Variants in GRAMD4 observed in about 807,000 individuals in gnomAD.
GRAMD4 encodes GRAM domain-containing protein 4.
Under a neutral mutation model 83.9 loss-of-function variants are expected in GRAMD4, and 25 were observed. That is an observed-to-expected ratio of 0.30 (90% CI 0.22 to 0.42). GRAMD4 has a LOEUF of 0.42. Ranked by LOEUF, GRAMD4 falls within the 10% of genes least tolerant of loss-of-function variation. The pLI is 1.00. For synonymous variants in GRAMD4, 336 were observed against 320.9 expected (o/e 1.05, Z -0.50); for missense variants, 593 against 788.7 (o/e 0.75, Z 2.97).
chr22:46,634,287 C>T (rs534243047), intron 2 of GRAMD4, among the ~76,000 whole-genome samples: 1 of 152,264 alleles, frequency 6.6e-6, no homozygotes, highest in South Asian at 2.1e-4. Flanking sequence ...CCTTGCCTTG[C>T]AACCGCTGTG....
chr22:46,625,566 C>T (rs900462792), intron 1 of GRAMD4, among the ~76,000 whole-genome samples: 6 of 152,262 alleles, frequency 3.9e-5, no homozygotes, highest in African/African-American at 1.4e-4. Context: ...TTTTCAGAGG[C>T]AAAAATGTCA....
intron 7 of GRAMD4, 66 bp downstream of exon 7, chr22:46,663,929 G>T: frequency 1.9e-6 from 3 of 1,591,620 alleles, no homozygotes; most frequent in Non-Finnish European, 2.6e-6. Context: ...TGGCGGTGGG[G>T]ACTCTGGGAT....
chr22:46,611,996 CAAAAAAA>C lies in GRAMD4; in HGVS notation c.-49-14739_-49-14733del, dbSNP rs61392000. On this transcript the variant is annotated intron_variant, in intron 1 of 1. Coordinates refer to the GRAMD4 transcript ENST00000431155. ...TGGGAGACACAGCGAGACTCCATCT[CAAAAAAA>C]AAAAAAAAAAAAAAAGAAGAGACAG... Among the ~76,000 whole-genome samples, 27 of 50,162 alleles carry C rather than the reference CAAAAAAA, an allele frequency of 5.4e-4. No homozygotes were observed. The East Asian group carries it at 7.7e-3, about 14-fold the overall frequency. 32.9% of individuals were successfully genotyped at this position (50,162 alleles called of 152,430 possible). A position where few individuals can be genotyped will look rare whatever the true frequency, so the allele number is the denominator to read the frequency against.
intron 1 of GRAMD4, among the ~76,000 whole-genome samples, chr22:46,612,314 CTGT>C (rs747055424): frequency 1.4e-4 from 22 of 152,148 alleles, no homozygotes; most frequent in Non-Finnish European, 3.2e-4. Context: ...GCCGATGGTA[CTGT>C]TGTTATTGTT....
intron 1 of GRAMD4, among the ~76,000 whole-genome samples, chr22:46,590,257 A>G (rs1267081630): frequency 6.6e-6 from 1 of 151,878 alleles, no homozygotes; most frequent in Non-Finnish European, 1.5e-5. Flanking sequence ...CTCTGGGGCC[A>G]CATGGATGGC....
At chr22:46,586,941 A>G (rs1464188625) in intron 1 of GRAMD4, among the ~76,000 whole-genome samples, 1 of 152,020 alleles carries the variant, frequency 6.6e-6, no homozygotes, top group Non-Finnish European at 1.5e-5. Context: ...TAAAAGTCTG[A>G]AGCAACACCC....
chr22:46,633,559 G>A (rs559812847), intron 2 of GRAMD4, among the ~76,000 whole-genome samples: 3 of 152,322 alleles, frequency 2.0e-5, no homozygotes, highest in East Asian at 3.9e-4. Context: ...GCAACTGGGG[G>A]CTCTGGCCGG....
intron 1 of GRAMD4, among the ~76,000 whole-genome samples, chr22:46,607,791 T>C (rs2081380005): frequency 6.6e-6 from 1 of 152,182 alleles, no homozygotes; most frequent in South Asian, 2.1e-4. Flanking sequence ...CACCAGCTCC[T>C]TTCTGGTTTG....
chr22:46,590,729 T>A (rs1353996596), intron 1 of GRAMD4, among the ~76,000 whole-genome samples: 1 of 152,162 alleles, frequency 6.6e-6, no homozygotes, highest in Non-Finnish European at 1.5e-5. Context: ...CAGTGTTGTC[T>A]GAGGACAGCT....
chr22:46,644,474 G>A (rs150237188), intron 3 of GRAMD4, among the ~76,000 whole-genome samples: 10 of 151,424 alleles, frequency 6.6e-5, no homozygotes, highest in Non-Finnish European at 1.0e-4. Flanking sequence ...ACCTGTCCCC[G>A]TTGCAGGTTA....
At chr22:46,607,604 G>T (rs1207633542) in intron 1 of GRAMD4, among the ~76,000 whole-genome samples, 1 of 152,198 alleles carries the variant, frequency 6.6e-6, no homozygotes, top group Non-Finnish European at 1.5e-5. Flanking sequence ...ATCCTGACAT[G>T]CCTGCTTGGC....
At chr22:46,630,031 C>CT (rs767819677) in intron 2 of GRAMD4, among the ~76,000 whole-genome samples, 216 of 147,216 alleles carry the variant, frequency 1.5e-3, no homozygotes, top group East Asian at 0.014. Context: ...TTTTCTTATT[C>CT]TTTTTTTTTT....
intron 1 of GRAMD4, among the ~76,000 whole-genome samples, chr22:46,585,432 C>T (rs9616062): frequency 0.34 from 51,327 of 152,030 alleles, 9,789 homozygotes; most frequent in African/African-American, 0.49. Context: ...TCAGGTGATC[C>T]GCCTGCCTCC....
chr22:46,587,464 G>T (rs149468911), intron 1 of GRAMD4, among the ~76,000 whole-genome samples: 62 of 151,986 alleles, frequency 4.1e-4, no homozygotes, highest in African/African-American at 1.5e-3. Context: ...TCCGGCTTCA[G>T]TGCCCAGGTT....
chr22:46,673,693 C>T lies in GRAMD4; in HGVS notation c.1263C>T (p.Ser421=), dbSNP rs751174075. 6.2e-7 allele frequency: 1 copy of T among 1,612,734 alleles called. No homozygotes were observed. Among genetic ancestry groups the T allele is most frequent in the South Asian group, 1.1e-5 (1 of 91,088 alleles). The change falls in exon 15 of 19, where the codon AGC becomes AGT. Residue 421 remains serine, a synonymous_variant. Transcript: ENST00000406902. The stretch of plus-strand genomic sequence containing the variant: ...AGCTGCAGACGACCTCGTCACGGAG[C>T]TACGTACCCAGCGCACCGGCCGGCC... ...SRRLQTTSSR[S]YVPSAPAGLG... is the part of the protein sequence containing the mutation.
At chr22:46,669,445 C>T (rs1344507094) in intron 13 of GRAMD4, among the ~76,000 whole-genome samples, 2 of 120,284 alleles carry the variant, frequency 1.7e-5, no homozygotes, top group Non-Finnish European at 3.4e-5. Context: ...GTGTGGTGGC[C>T]CCCCCTCACC....
intron 1 of GRAMD4, among the ~76,000 whole-genome samples, chr22:46,614,777 T>TAGGTTCCCCCGTGTGA (rs1407366134): frequency 6.6e-6 from 1 of 151,368 alleles, no homozygotes; most frequent in African/African-American, 2.4e-5. Flanking sequence ...CCTGTGCGTG[T>TAGGTTCCCCCGTGTGA]AGGTTCCCCC....
chr22:46,619,164 G>A (rs2081540712), upstream of GRAMD4, among the ~76,000 whole-genome samples: 1 of 152,206 alleles, frequency 6.6e-6, no homozygotes, highest in Non-Finnish European at 1.5e-5. Context: ...TCTTGAGGCT[G>A]ATGTTGGAAC....
chr22:46,666,906 A>T lies in GRAMD4; in HGVS notation c.858+33A>T, dbSNP rs779649304. ...CCTGGAGGGTGCACGGTCTCCTCCG[A>T]CTGTCTCCATCACGTCAGGCCTCAC... On this transcript the variant is annotated intron_variant, in intron 10 of 18. Transcript: ENST00000406902. 4.7e-6 allele frequency: 7 copies of T among 1,483,734 alleles called. No homozygotes were observed. The East Asian group carries it at 1.5e-4, about 32-fold the overall frequency. 91.9% of individuals were successfully genotyped at this position (1,483,734 alleles called of 1,614,324 possible).
Sources: allele counts gnomAD v4.1 joint callset (sites outside exome capture counted in the v4.1 genomes callset), GRCh38; gene constraint gnomAD v4.1.1; transcripts MANE v1.5; gene names NCBI Gene and HGNC (gene_info 2026-07-23, HGNC 2026-07-21).